Variants in WDFY4 observed in about 807,000 individuals in gnomAD.
The protein encoded by WDFY4 is WD repeat- and FYVE domain-containing protein 4.
Under a neutral mutation model 351.9 loss-of-function variants are expected in WDFY4, and 169 were observed. The observed-to-expected ratio is 0.48, with a 90% CI of 0.42 to 0.55. WDFY4 has a LOEUF of 0.55. Among genes scored for constraint, WDFY4 ranks in the 20% least tolerant of loss-of-function variants. WDFY4 has a pLI of 0.00. For missense variants in WDFY4, 3,803 were observed against 3,935.6 expected, an observed-to-expected ratio of 0.97 and a Z score of 0.90; for synonymous variants, 1,622 against 1,574.6, an observed-to-expected ratio of 1.03 and a Z score of -0.71.
intron 12 of WDFY4, among the ~76,000 whole-genome samples, chr10:48,748,496 A>G (rs930212536): frequency 6.6e-6 from 1 of 152,088 alleles, no homozygotes; most frequent in Admixed American, 6.5e-5. Flanking sequence ...TTTTTTCCTG[A>G]TACTCCCACA....
intron 12 of WDFY4, 25 bp downstream of exon 12, chr10:48,743,573 T>A: frequency 6.6e-7 from 1 of 1,516,480 alleles, no homozygotes; most frequent in Non-Finnish European, 8.8e-7. Context: ...CAGTGTGTCA[T>A]CAGTGCATCT....
At chr10:48,936,989 G>C (rs779970743) in intron 47 of WDFY4, among the ~76,000 whole-genome samples, 2 of 151,580 alleles carry the variant, frequency 1.3e-5, no homozygotes, top group Non-Finnish European at 2.9e-5. Context: ...GCACGACCTC[G>C]GCTCACTGCA....
At chr10:48,756,897 T>G (rs890151039) in intron 12 of WDFY4, among the ~76,000 whole-genome samples, 1 of 152,062 alleles carries the variant, frequency 6.6e-6, no homozygotes, top group Non-Finnish European at 1.5e-5. Flanking sequence ...AATGTAGTTT[T>G]TTTATACTGT....
chr10:48,928,027 T>C (rs2663023), intron 47 of WDFY4, among the ~76,000 whole-genome samples: 143,300 of 152,286 alleles, frequency 0.94, 67,792 homozygotes, highest in East Asian at 1. Context: ...CCTTTGAAGC[T>C]CATGAGGTGA....
intron 13 of WDFY4, among the ~76,000 whole-genome samples, chr10:48,767,472 G>A (rs2065708662): frequency 6.6e-6 from 1 of 152,194 alleles, no homozygotes; most frequent in Non-Finnish European, 1.5e-5. Context: ...ATAACAGGAA[G>A]TTGATATTGA....
At chr10:48,893,146 T>A (rs1836898402) in intron 44 of WDFY4, among the ~76,000 whole-genome samples, 3 of 152,364 alleles carry the variant, frequency 2.0e-5, no homozygotes, top group African/African-American at 7.2e-5. Flanking sequence ...ATCCCTTGGC[T>A]TTGAGATGCA....
In WDFY4 at chr10:48,924,334, G is replaced by T. The variant is rs1490605035; in HGVS notation, c.7587-17472G>T. On this transcript the variant is annotated intron_variant, in intron 47 of 61. Coordinates refer to ENST00000325239, the MANE Select transcript of WDFY4 (RefSeq NM_001394531.1). ...CCCAGTACCACTAGAAGCAGACCCA[G>T]TGCCAGAAGCCATGATCTTTTGATC... is the stretch of plus-strand genomic sequence containing the variant. Among the ~76,000 whole-genome samples the T allele has an allele frequency of 2.6e-5, 4 of 152,244 alleles. No homozygotes were observed. The East Asian group carries it at 7.7e-4, about 29-fold the overall frequency.
At chr10:48,948,184 C>T (rs1841148278) in intron 51 of WDFY4, among the ~76,000 whole-genome samples, 1 of 152,200 alleles carries the variant, frequency 6.6e-6, no homozygotes. Flanking sequence ...CCTTCTCCCT[C>T]CTTGACGGCA....
At position 48,902,076 on chromosome 10, in the gene WDFY4, C is replaced by G. The variant is rs76928548; in HGVS notation, c.7586+213C>G. On this transcript the variant is annotated intron_variant, in intron 47 of 61. Coordinates refer to ENST00000325239, the MANE Select transcript of WDFY4 (RefSeq NM_001394531.1). ...TGAACAGACTTGAAGTCTCACATGC[C>G]CTGTGGCTTTTTCAGACCCAAGTGG... Among the ~76,000 whole-genome samples, 165 of 151,946 alleles carry G rather than the reference C, an allele frequency of 1.1e-3. No individual in the cohort carries two copies. The East Asian group carries it at 0.03, about 28-fold the overall frequency.
At chr10:48,729,828 G>A (rs747856112) in intron 8 of WDFY4, among the ~76,000 whole-genome samples, 17 of 152,154 alleles carry the variant, frequency 1.1e-4, no homozygotes, top group Non-Finnish European at 2.5e-4. Flanking sequence ...CTCACCCCTG[G>A]GGTGATTTAC....
At chr10:48,917,496 G>A (rs1016862947) in intron 47 of WDFY4, among the ~76,000 whole-genome samples, 8 of 152,156 alleles carry the variant, frequency 5.3e-5, no homozygotes, top group South Asian at 2.1e-4. Flanking sequence ...GAAAGCTGCC[G>A]GAGAACAATG....
At chr10:48,938,258 C>A (rs530827334) in intron 47 of WDFY4, among the ~76,000 whole-genome samples, 1 of 152,214 alleles carries the variant, frequency 6.6e-6, no homozygotes. Context: ...TGCATTAGCT[C>A]GGGGTCCCAG....
intron 41 of WDFY4, 50 bp from the exon 42 acceptor site, chr10:48,875,039 T>C (rs1323275903): frequency 1.6e-5 from 20 of 1,221,480 alleles, no homozygotes; most frequent in Non-Finnish European, 2.2e-5. Flanking sequence ...GAGTGAAGCA[T>C]AGATGTAGCA....
In WDFY4 at chr10:48,925,511, A is replaced by T. The variant is rs149053528; in HGVS notation, c.7587-16295A>T. Among the ~76,000 whole-genome samples the T allele has an allele frequency of 2.0e-5, 3 of 152,314 alleles. No homozygotes were observed. The East Asian group carries it at 5.8e-4, about 29-fold the overall frequency. Reference sequence around the variant, plus strand: ...GCTGTGCTACTTGCTCTGCAGTGTTACCTAGATTTAGGAATATAGATTCCT... The same window carrying T: ...GCTGTGCTACTTGCTCTGCAGTGTTTCCTAGATTTAGGAATATAGATTCCT... On this transcript the variant is annotated intron_variant, in intron 47 of 61. Coordinates refer to ENST00000325239, the MANE Select transcript of WDFY4 (RefSeq NM_001394531.1).
At chr10:48,940,637 T>C (rs1383495354) in intron 47 of WDFY4, among the ~76,000 whole-genome samples, 2 of 151,828 alleles carry the variant, frequency 1.3e-5, no homozygotes, top group African/African-American at 4.8e-5. Flanking sequence ...GCAGAGGGGA[T>C]GGATGGAGAG....
intron 39 of WDFY4, among the ~76,000 whole-genome samples, chr10:48,846,092 G>A (rs1362999701): frequency 6.6e-6 from 1 of 152,194 alleles, no homozygotes; most frequent in South Asian, 2.1e-4. Context: ...TCATGCCTCT[G>A]ATCAAAAACC....
Position 48,820,266 on chromosome 10 carries a change from C to T in WDFY4, c.5538C>T (p.Ser1846=), listed in dbSNP as rs1273617766. The part of the protein sequence containing the change: ...GVGAESTRNT[S]SPEAAAEGDS... ...GGGCTGAGTCCACCCGGAACACCAG[C>T]AGTCCTGAGGCCGCAGCTGAAGGCG... The change falls in exon 33 of 62, where the codon AGC becomes AGT. Residue 1846 remains serine (S), a synonymous_variant. Coordinates refer to ENST00000325239, the MANE Select transcript of WDFY4 (RefSeq NM_001394531.1). The T allele has an allele frequency of 3.5e-5, 55 of 1,551,588 alleles. No homozygotes were observed. The highest frequency in any genetic ancestry group is 4.4e-5 in the Non-Finnish European group (50 of 1,147,000).
chr10:48,755,769 A>G (rs1210755197), intron 12 of WDFY4, among the ~76,000 whole-genome samples: 1 of 152,128 alleles, frequency 6.6e-6, no homozygotes, highest in Non-Finnish European at 1.5e-5. Flanking sequence ...TAAGATATCA[A>G]ATGCAAGCTC....
chr10:48,736,336 G>T, intron 11 of WDFY4: 1 of 602,450 alleles, frequency 1.7e-6, no homozygotes, highest in East Asian at 2.7e-5. Context: ...CATCTAACTT[G>T]GCCAGCAGAC....
Sources: allele counts gnomAD v4.1 joint callset (sites outside exome capture counted in the v4.1 genomes callset), GRCh38; gene constraint gnomAD v4.1.1; transcripts MANE v1.5; gene names NCBI Gene and HGNC (gene_info 2026-07-23, HGNC 2026-07-21).